MDGA2: variants seen among roughly 807,000 people sequenced by gnomAD.
MDGA2 encodes the protein MAM domain-containing glycosylphosphatidylinositol anchor protein 2.
Under a neutral mutation model 117.8 loss-of-function variants are expected in MDGA2, and 40 were observed. That is an observed-to-expected ratio of 0.34 (90% CI 0.26 to 0.44). MDGA2 has a LOEUF of 0.44. MDGA2 is among the 20% of genes least tolerant of loss of function. The probability of loss-of-function intolerance (pLI) is 1.00; values close to 1 mark genes in which losing one functional copy is unlikely to be tolerated. For missense variants in MDGA2, 1,123 were observed against 1,250.6 expected, an observed-to-expected ratio of 0.90 and a Z score of 1.54; for synonymous variants, 452 against 439.0, an observed-to-expected ratio of 1.03 and a Z score of -0.37.
rs147235597 is a variant in MDGA2 at position 47,146,199 on chromosome 14, T to C, written c.596-1925A>G. On this transcript the variant is annotated intron_variant, in intron 3 of 16. Transcript: ENST00000399232. Reference sequence around the variant, plus strand: ...TCAAAGTAAAGAACAGAATCCAAAATTTCCCCATTTTTTAAAAAGTTTTTT... The same window carrying C: ...TCAAAGTAAAGAACAGAATCCAAAACTTCCCCATTTTTTAAAAAGTTTTTT... Among the ~76,000 whole-genome samples, 118 of 152,282 alleles carry C rather than the reference T, an allele frequency of 7.7e-4. 1 individual carries two copies. Among genetic ancestry groups the C allele is most frequent in the African/African-American group, 2.7e-3 (112 of 41,576 alleles).
intron 3 of MDGA2, among the ~76,000 whole-genome samples, chr14:47,157,726 T>A (rs562487320): frequency 6.6e-6 from 1 of 151,250 alleles, no homozygotes; most frequent in Non-Finnish European, 1.5e-5. Context: ...AGGGACCCAG[T>A]GGGAAGTAAT....
At chr14:47,097,201 T>C in intron 5 of MDGA2, 78 bp from the exon 6 acceptor site, 2 of 1,471,428 alleles carry the variant, frequency 1.4e-6, no homozygotes, top group Non-Finnish European at 1.8e-6. Context: ...ATTATATTGG[T>C]TCATTCAAAA....
chr14:47,441,462 C>T (rs1044443638), intron 1 of MDGA2, among the ~76,000 whole-genome samples: 9 of 151,988 alleles, frequency 5.9e-5, no homozygotes, highest in South Asian at 2.1e-4. Context: ...AAATAAGTGA[C>T]GGAAGTAAAG....
intron 10 of MDGA2, among the ~76,000 whole-genome samples, chr14:46,900,093 A>G (rs2138443363): frequency 6.6e-6 from 1 of 152,290 alleles, no homozygotes; most frequent in East Asian, 1.9e-4. Flanking sequence ...AAGAAGATAT[A>G]CAGATGGAAA....
intron 3 of MDGA2, among the ~76,000 whole-genome samples, chr14:47,203,412 A>C (rs1477306285): frequency 6.6e-6 from 1 of 151,934 alleles, no homozygotes; most frequent in Admixed American, 6.6e-5. Flanking sequence ...GAATGGTGCC[A>C]GGAAGACAGA....
In MDGA2 at chr14:46,969,963, T is replaced by C. The variant is rs1432005777; in HGVS notation, c.1820-12320A>G. On this transcript the variant is annotated intron_variant, in intron 8 of 16. Coordinates refer to ENST00000399232, the MANE Select transcript of MDGA2 (RefSeq NM_001113498.3). ...ATATATATATATATATATATATATATATATATATATATATGGAATAAATTT... is the reference window on the plus strand; with the variant it reads ...ATATATATATATATATATATATATACATATATATATATATGGAATAAATTT... Among the ~76,000 whole-genome samples, 676 of 130,564 alleles carry C rather than the reference T, an allele frequency of 5.2e-3. 16 individuals are homozygous for C. The highest frequency in any genetic ancestry group is 0.018 in the African/African-American group (644 of 36,152). The allele number at this position is 130,564 out of a possible 152,430, so 85.7% of individuals were successfully genotyped here. A position where few individuals can be genotyped will look rare whatever the true frequency, so the allele number is the denominator to read the frequency against.
At chr14:47,303,750 G>C (rs990105464) in intron 1 of MDGA2, among the ~76,000 whole-genome samples, 1 of 17,718 alleles carries the variant, frequency 5.6e-5, no homozygotes, top group Non-Finnish European at 1.2e-4. Flanking sequence ...ATATGTGATA[G>C]TGATAGCCCA....
chr14:47,287,583 T>G (rs967878870), intron 2 of MDGA2, among the ~76,000 whole-genome samples: 1 of 152,104 alleles, frequency 6.6e-6, no homozygotes, highest in Non-Finnish European at 1.5e-5. Context: ...TACAACATAT[T>G]ATTATTAACT....
At chr14:47,082,332 G>GAAAAAAA (rs11285576) in intron 6 of MDGA2, among the ~76,000 whole-genome samples, 1 of 144,534 alleles carries the variant, frequency 6.9e-6, no homozygotes, top group Non-Finnish European at 1.5e-5. Context: ...TCCAGGGAAG[G>GAAAAAAA]AAAAAAAAAA....
intron 1 of MDGA2, among the ~76,000 whole-genome samples, chr14:47,499,465 T>C (rs1048259537): frequency 1.3e-5 from 2 of 152,172 alleles, no homozygotes; most frequent in Non-Finnish European, 2.9e-5. Context: ...CTTCTACCAA[T>C]AGTCACAATA....
chr14:47,111,023 A>G (rs373348174), intron 5 of MDGA2, among the ~76,000 whole-genome samples: 4 of 152,118 alleles, frequency 2.6e-5, no homozygotes, highest in South Asian at 4.2e-4. Context: ...GAGATGTTAG[A>G]AAAAAAACAG....
At chr14:47,121,628 A>G (rs1040960321) in intron 5 of MDGA2, among the ~76,000 whole-genome samples, 1 of 152,068 alleles carries the variant, frequency 6.6e-6, no homozygotes, top group Admixed American at 6.6e-5. Flanking sequence ...ACCCACTACC[A>G]CCACCATAAC....
At chr14:47,298,443 T>A (rs1304969877) in intron 2 of MDGA2, among the ~76,000 whole-genome samples, 6 of 152,164 alleles carry the variant, frequency 3.9e-5, no homozygotes, top group Non-Finnish European at 1.5e-5. Flanking sequence ...GATTAAGAAA[T>A]CTGCTGATGA....
At chr14:47,191,538 A>G (rs1038374099) in intron 3 of MDGA2, among the ~76,000 whole-genome samples, 4 of 151,894 alleles carry the variant, frequency 2.6e-5, no homozygotes, top group Non-Finnish European at 5.9e-5. Context: ...CAGTTGTCAC[A>G]TCAGTTGTTT....
At chr14:47,516,494 T>C (rs571886378) in intron 1 of MDGA2, among the ~76,000 whole-genome samples, 4 of 152,288 alleles carry the variant, frequency 2.6e-5, no homozygotes, top group African/African-American at 9.6e-5. Context: ...GACTTGAATA[T>C]ATTCTTGAGT....
intron 2 of MDGA2, among the ~76,000 whole-genome samples, chr14:47,293,382 T>C (rs988506102): frequency 1.3e-5 from 2 of 152,182 alleles, no homozygotes; most frequent in Non-Finnish European, 2.9e-5. Context: ...GAGTACTTTA[T>C]TCTTAAATTA....
At chr14:47,018,441 C>A (rs71418125) in intron 8 of MDGA2, among the ~76,000 whole-genome samples, 1 of 152,040 alleles carries the variant, frequency 6.6e-6, no homozygotes, top group African/African-American at 2.4e-5. Context: ...GTATCTCTTT[C>A]TTTTACTTCC....
chr14:47,392,633 T>C (rs567191479), intron 1 of MDGA2, among the ~76,000 whole-genome samples: 4 of 152,200 alleles, frequency 2.6e-5, no homozygotes, highest in South Asian at 2.1e-4. Flanking sequence ...TGGAACCTTG[T>C]CAGGAAGCAA....
At chr14:47,256,561 T>G (rs1265590159) in intron 2 of MDGA2, among the ~76,000 whole-genome samples, 1 of 152,178 alleles carries the variant, frequency 6.6e-6, no homozygotes, top group Non-Finnish European at 1.5e-5. Flanking sequence ...GTATGCATCT[T>G]GCACACTTAA....
Sources: gnomAD v4.1 joint callset for allele counts (sites outside exome capture counted in the v4.1 genomes callset) on GRCh38, gnomAD v4.1.1 for gene constraint, MANE v1.5 for transcripts, NCBI Gene and HGNC (gene_info 2026-07-23, HGNC 2026-07-21) for gene names.